The following ANO10 variants were observed in gnomAD, a reference collection of about 807,000 sequenced individuals.
The protein encoded by ANO10 is anoctamin-10.
Under a neutral mutation model 74.7 loss-of-function variants are expected in ANO10, and 77 were observed. That is an observed-to-expected ratio of 1.03 (90% CI 0.86 to 1.25). The LOEUF (loss-of-function observed/expected upper bound fraction) is 1.25, where lower values mean the gene tolerates loss of function less well. Among genes scored for constraint, ANO10 ranks in the 50% most tolerant of loss-of-function variants. The pLI is 0.00. For missense variants in ANO10, 721 were observed against 778.1 expected (o/e 0.93, Z 0.87); for synonymous variants, 279 against 284.9 (o/e 0.98, Z 0.21).
chr3:43,422,202 T>C (rs1289441566), intron 12 of ANO10, among the ~76,000 whole-genome samples: 1 of 152,166 alleles, frequency 6.6e-6, no homozygotes, highest in Non-Finnish European at 1.5e-5. Flanking sequence ...TTGCAACCTC[T>C]GCCTCACGGG....
chr3:43,643,279 C>A (rs1485520379), intron 1 of ANO10, among the ~76,000 whole-genome samples: 1 of 151,764 alleles, frequency 6.6e-6, no homozygotes, highest in Admixed American at 6.6e-5. Flanking sequence ...GATCCACCCG[C>A]CTCGGCCTCC....
At chr3:43,642,718 C>A (rs1289836703) in intron 1 of ANO10, among the ~76,000 whole-genome samples, 2 of 152,048 alleles carry the variant, frequency 1.3e-5, no homozygotes. Context: ...CTTCTTTTTG[C>A]AAATATAGGC....
chr3:43,661,216 A>T (rs551658873), intron 1 of ANO10, among the ~76,000 whole-genome samples: 2 of 152,316 alleles, frequency 1.3e-5, no homozygotes, highest in East Asian at 3.9e-4. Flanking sequence ...CTCTGCAGAA[A>T]CCCTACAAGC....
At chr3:43,542,126 AC>A (rs1164065121) in intron 11 of ANO10, among the ~76,000 whole-genome samples, 1 of 152,168 alleles carries the variant, frequency 6.6e-6, no homozygotes, top group Non-Finnish European at 1.5e-5. Flanking sequence ...GAGCTCCTGA[AC>A]TGTATGCTTT....
At chr3:43,690,837 C>A (rs995708574) in intron 1 of ANO10, 1 of 677,872 alleles carries the variant, frequency 1.5e-6, no homozygotes, top group African/African-American at 1.9e-5. Context: ...AGGCCGCGCA[C>A]GCGCAAACGC....
chr3:43,508,199 A>G (rs1042859026), intron 11 of ANO10, among the ~76,000 whole-genome samples: 1 of 152,194 alleles, frequency 6.6e-6, no homozygotes, highest in Non-Finnish European at 1.5e-5. Context: ...AGTCATGAAG[A>G]GACCTCATCA....
chr3:43,600,256 G>A lies in ANO10; in HGVS notation c.337+128C>T. On this transcript the variant is annotated intron_variant, in intron 3 of 12. Coordinates refer to ENST00000292246, the MANE Select transcript of ANO10 (RefSeq NM_018075.5). ...GAGTAATTGCAGCAGAGACCACACGGACTGCAAAACCTAAAATATTTACTA... is the reference window on the plus strand; with the variant it reads ...GAGTAATTGCAGCAGAGACCACACGAACTGCAAAACCTAAAATATTTACTA... The A allele has an allele frequency of 4.7e-6, 5 of 1,055,032 alleles. No individual in the cohort carries two copies. In the South Asian group the frequency reaches 6.7e-5, roughly 14 times the overall value. The allele number at this position is 1,055,032 out of a possible 1,614,324, so 65.4% of individuals were successfully genotyped here. A position where few individuals can be genotyped will look rare whatever the true frequency, so the allele number is the denominator to read the frequency against.
intron 12 of ANO10, chr3:43,372,878 A>T (rs947318976): frequency 2.0e-6 from 3 of 1,533,608 alleles, no homozygotes; most frequent in Non-Finnish European, 2.6e-6. Context: ...ATTCTAATTT[A>T]GCCAGTAACC....
chr3:43,685,332 A>C (rs2084261318), intron 1 of ANO10, among the ~76,000 whole-genome samples: 1 of 152,188 alleles, frequency 6.6e-6, no homozygotes, highest in South Asian at 2.1e-4. Flanking sequence ...CTTTTTCCAC[A>C]TATCAATATG....
chr3:43,400,016 G>C (rs927310676), intron 12 of ANO10, among the ~76,000 whole-genome samples: 1 of 152,108 alleles, frequency 6.6e-6, no homozygotes, highest in Non-Finnish European at 1.5e-5. Flanking sequence ...TCTCCCAACA[G>C]CTGGCTGTAT....
At chr3:43,681,350 A>G (rs2084196061) in intron 1 of ANO10, among the ~76,000 whole-genome samples, 1 of 152,170 alleles carries the variant, frequency 6.6e-6, no homozygotes, top group African/African-American at 2.4e-5. Context: ...ACATAATGGT[A>G]AAGGGATCAA....
chr3:43,654,841 T>C (rs2083829393), intron 1 of ANO10, among the ~76,000 whole-genome samples: 1 of 152,190 alleles, frequency 6.6e-6, no homozygotes, highest in Non-Finnish European at 1.5e-5. Context: ...CTGACTTTAC[T>C]CCATGGGCTA....
intron 11 of ANO10, among the ~76,000 whole-genome samples, chr3:43,483,664 C>A (rs2076355667): frequency 6.6e-6 from 1 of 152,176 alleles, no homozygotes; most frequent in Non-Finnish European, 1.5e-5. Flanking sequence ...TGTTCAGTTT[C>A]AAGATGTCCT....
intron 11 of ANO10, among the ~76,000 whole-genome samples, chr3:43,486,159 T>C (rs1420791859): frequency 6.6e-6 from 1 of 152,188 alleles, no homozygotes; most frequent in South Asian, 2.1e-4. Context: ...CCTTTACAAG[T>C]CTGAAAAGAC....
intron 10 of ANO10, among the ~76,000 whole-genome samples, chr3:43,551,009 G>A (rs1338532206): frequency 6.6e-6 from 1 of 152,028 alleles, no homozygotes; most frequent in African/African-American, 2.4e-5. Flanking sequence ...GTCATTTAAA[G>A]TGTCTTGAGG....
intron 11 of ANO10, among the ~76,000 whole-genome samples, chr3:43,463,681 T>C (rs1296934341): frequency 6.6e-6 from 1 of 152,218 alleles, no homozygotes; most frequent in Non-Finnish European, 1.5e-5. Context: ...CTTTTGATTT[T>C]AGAGACTCAG....
At chr3:43,386,844 C>T (rs571691282) in intron 12 of ANO10, among the ~76,000 whole-genome samples, 19 of 152,156 alleles carry the variant, frequency 1.2e-4, no homozygotes, top group African/African-American at 2.7e-4. Context: ...TGGAGAAAGC[C>T]GCCTATGAGT....
chr3:43,652,835 T>A (rs1159737697), intron 1 of ANO10: 1 of 152,022 alleles, frequency 6.6e-6, no homozygotes, highest in Non-Finnish European at 1.5e-5. Flanking sequence ...AAAATACTGT[T>A]AATAAAATTT....
intron 11 of ANO10, among the ~76,000 whole-genome samples, chr3:43,542,304 A>C (rs2078992681): frequency 6.6e-6 from 1 of 152,136 alleles, no homozygotes; most frequent in African/African-American, 2.4e-5. Context: ...AATGAGAGGG[A>C]GGGAGGGCTA....
Sources: allele counts gnomAD v4.1 joint callset (sites outside exome capture counted in the v4.1 genomes callset), GRCh38; gene constraint gnomAD v4.1.1; transcripts MANE v1.5; gene names NCBI Gene and HGNC (gene_info 2026-07-23, HGNC 2026-07-21).